The following CHRNA7 variants were observed in gnomAD, a reference collection of about 807,000 sequenced individuals.
CHRNA7 encodes cholinergic receptor nicotinic alpha 7 subunit.
A neutral mutation model predicts 48.0 loss-of-function variants in CHRNA7; 17 were observed. The ratio of observed to expected loss-of-function variants is 0.35; its 90% CI spans 0.24 to 0.53. The LOEUF (loss-of-function observed/expected upper bound fraction) is 0.53. Among genes scored for constraint, CHRNA7 ranks in the 20% least tolerant of loss-of-function variants. The pLI is 0.92. For missense variants in CHRNA7, 155 were observed against 577.7 expected (o/e 0.27, Z 7.50); for synonymous variants, 75 against 242.3 (o/e 0.31, Z 6.41).
intron 2 of CHRNA7, among the ~76,000 whole-genome samples, chr15:32,052,653 C>T (rs755630750): frequency 2.0e-4 from 30 of 152,028 alleles, no homozygotes; most frequent in Non-Finnish European, 7.4e-5. Context: ...CGCTTGAACC[C>T]GGGAGGCAGA....
intron 4 of CHRNA7, among the ~76,000 whole-genome samples, chr15:32,125,329 A>C (rs563825013): frequency 2.0e-4 from 31 of 152,354 alleles, no homozygotes; most frequent in African/African-American, 7.0e-4. Flanking sequence ...CCTTCTGAGG[A>C]AAACGATAAA....
intron 4 of CHRNA7, among the ~76,000 whole-genome samples, chr15:32,151,332 C>T (rs1225971475): frequency 6.6e-6 from 1 of 152,132 alleles, no homozygotes; most frequent in Non-Finnish European, 1.5e-5. Flanking sequence ...TCTCTTTTAT[C>T]GATCTCCAGG....
chr15:32,057,292 C>G (rs938018373), intron 2 of CHRNA7, among the ~76,000 whole-genome samples: 7 of 152,166 alleles, frequency 4.6e-5, no homozygotes, highest in Non-Finnish European at 8.8e-5. Flanking sequence ...TCCCTCAAAT[C>G]AGGATCTGAT....
chr15:32,084,186 CAT>C (rs1263617980), intron 2 of CHRNA7, among the ~76,000 whole-genome samples: 7 of 152,258 alleles, frequency 4.6e-5, no homozygotes, highest in Admixed American at 3.9e-4. Flanking sequence ...GAAAAACAAA[CAT>C]GTTGGAAAAC....
At chr15:32,116,698 CAG>C (rs2141289876) in intron 4 of CHRNA7, among the ~76,000 whole-genome samples, 1 of 152,366 alleles carries the variant, frequency 6.6e-6, no homozygotes, top group Admixed American at 6.5e-5. Flanking sequence ...CTACACCGTG[CAG>C]AGACAGGCAA....
chr15:32,119,643 T>A (rs921974693), intron 4 of CHRNA7, among the ~76,000 whole-genome samples: 16 of 150,296 alleles, frequency 1.1e-4, no homozygotes, highest in Admixed American at 8.6e-4. Context: ...TAAAAAAAAA[T>A]ATTTATTCAT....
chr15:32,132,998 G>T (rs2051182116), intron 4 of CHRNA7, among the ~76,000 whole-genome samples: 1 of 152,162 alleles, frequency 6.6e-6, no homozygotes, highest in Non-Finnish European at 1.5e-5. Flanking sequence ...TGGACTTTGG[G>T]CATCCGATTG....
chr15:32,057,874 A>G (rs7174479), intron 2 of CHRNA7, among the ~76,000 whole-genome samples: 40,083 of 152,148 alleles, frequency 0.26, 6,432 homozygotes, highest in East Asian at 0.61. Context: ...GCCACATCCT[A>G]TAAACAACTA....
chr15:32,133,354 A>G (rs537616392), intron 4 of CHRNA7, among the ~76,000 whole-genome samples: 1 of 152,354 alleles, frequency 6.6e-6, no homozygotes, highest in African/African-American at 2.4e-5. Context: ...TAAAACTGTT[A>G]GAAGGAATGC....
At chr15:32,038,212 A>G (rs2049386001) in intron 2 of CHRNA7, among the ~76,000 whole-genome samples, 2 of 148,878 alleles carry the variant, frequency 1.3e-5, no homozygotes, top group African/African-American at 2.4e-5. Context: ...TACATATTTT[A>G]TATATACATA....
intron 2 of CHRNA7, among the ~76,000 whole-genome samples, chr15:32,085,817 C>A (rs1333058752): frequency 6.6e-6 from 1 of 152,114 alleles, no homozygotes; most frequent in African/African-American, 2.4e-5. Context: ...GTCTTAGATT[C>A]CAAAGTTGAA....
chr15:32,132,489 C>G (rs2051173597), intron 4 of CHRNA7, among the ~76,000 whole-genome samples: 1 of 152,166 alleles, frequency 6.6e-6, no homozygotes, highest in South Asian at 2.1e-4. Context: ...TCAGGTCAGC[C>G]TGTCATAACA....
chr15:32,052,358 C>G (rs974794222), intron 2 of CHRNA7, among the ~76,000 whole-genome samples: 1 of 152,036 alleles, frequency 6.6e-6, no homozygotes, highest in Non-Finnish European at 1.5e-5. Context: ...GTGGATCTCA[C>G]GGAAGTAGGG....
chr15:32,154,439 A>T (rs1566879711), intron 5 of CHRNA7, among the ~76,000 whole-genome samples: 1 of 2,562 alleles, frequency 3.9e-4, no homozygotes, highest in African/African-American at 3.3e-3. Flanking sequence ...CGTGCGCTAA[A>T]GAGCACACGC....
chr15:32,040,471 A>G (rs1183171459), intron 2 of CHRNA7, among the ~76,000 whole-genome samples: 2 of 151,860 alleles, frequency 1.3e-5, no homozygotes, highest in South Asian at 2.1e-4. Flanking sequence ...AACCCAAGTC[A>G]CCTTTCATGT....
intron 2 of CHRNA7, among the ~76,000 whole-genome samples, chr15:32,098,392 A>G (rs2050508669): frequency 6.6e-6 from 1 of 152,164 alleles, no homozygotes. Context: ...TCAAGGTCTT[A>G]TAGGAGAAGA....
chr15:32,108,597 C>T (rs56397463), intron 3 of CHRNA7, among the ~76,000 whole-genome samples: 16,613 of 152,156 alleles, frequency 0.11, 923 homozygotes, highest in Middle Eastern at 0.19. Flanking sequence ...GTGGGGCCCC[C>T]GGGCTCAGGA....
intron 2 of CHRNA7, among the ~76,000 whole-genome samples, chr15:32,080,836 A>T (rs1409237086): frequency 6.6e-6 from 1 of 152,222 alleles, no homozygotes; most frequent in Non-Finnish European, 1.5e-5. Context: ...ACAAAGATAC[A>T]TGCATGTGTA....
intron 4 of CHRNA7, among the ~76,000 whole-genome samples, chr15:32,137,740 TTGTG>T (rs1371603705): frequency 6.6e-6 from 1 of 152,244 alleles, no homozygotes; most frequent in East Asian, 1.9e-4. Context: ...TGGTGTGAGT[TTGTG>T]TGTGTACGTG....
Sources: gnomAD v4.1 joint callset for allele counts (sites outside exome capture counted in the v4.1 genomes callset) on GRCh38, gnomAD v4.1.1 for gene constraint, MANE v1.5 for transcripts, NCBI Gene and HGNC (gene_info 2026-07-23, HGNC 2026-07-21) for gene names.